The following EVI5 variants were observed in gnomAD, a reference collection of about 807,000 sequenced individuals.
The protein encoded by EVI5 is ecotropic viral integration site 5 protein homolog.
In EVI5, 73 loss-of-function variants were observed where a neutral mutation model predicts 112.0. The ratio of observed to expected loss-of-function variants is 0.65; its 90% CI spans 0.54 to 0.79. EVI5 has a LOEUF of 0.79. Among genes scored for constraint, EVI5 ranks in the 30% least tolerant of loss-of-function variants. The pLI, the probability that EVI5 is intolerant of heterozygous loss-of-function variation, is 0.00. For synonymous variants in EVI5, 305 were observed against 319.9 expected, an observed-to-expected ratio of 0.95 and a Z score of 0.50; for missense variants, 900 against 968.8, an observed-to-expected ratio of 0.93 and a Z score of 0.94.
chr1:92,527,584 A>G (rs1662147107), intron 19 of EVI5, among the ~76,000 whole-genome samples: 1 of 152,170 alleles, frequency 6.6e-6, no homozygotes, highest in Non-Finnish European at 1.5e-5. Context: ...ACCCAGATTG[A>G]GCCATAGTGC....
chr1:92,617,516 T>C (rs1030608696), intron 16 of EVI5, among the ~76,000 whole-genome samples: 1 of 152,180 alleles, frequency 6.6e-6, no homozygotes, highest in Non-Finnish European at 1.5e-5. Context: ...AGGACACCAC[T>C]CAGCCTCTTT....
chr1:92,731,738 C>T (rs1181877703), intron 2 of EVI5, among the ~76,000 whole-genome samples: 1 of 152,164 alleles, frequency 6.6e-6, no homozygotes, highest in Admixed American at 6.5e-5. Flanking sequence ...GAAATAGACT[C>T]ATACACATAC....
chr1:92,717,851 T>G (rs1222088472), intron 2 of EVI5, among the ~76,000 whole-genome samples: 1 of 151,508 alleles, frequency 6.6e-6, no homozygotes, highest in Non-Finnish European at 1.5e-5. Context: ...TGGAGGAAGA[T>G]CTACCAAGCA....
chr1:92,579,130 CTGT>C (rs1185184018), intron 18 of EVI5, among the ~76,000 whole-genome samples: 2 of 152,168 alleles, frequency 1.3e-5, no homozygotes, highest in Non-Finnish European at 2.9e-5. Context: ...CTTGAGCCCT[CTGT>C]AAAGAGTGAT....
chr1:92,711,479 G>A (rs1485351255), intron 2 of EVI5, among the ~76,000 whole-genome samples: 1 of 152,076 alleles, frequency 6.6e-6, no homozygotes, highest in African/African-American at 2.4e-5. Context: ...GAAGAAAAAC[G>A]CTGTATGATA....
chr1:92,625,476 T>C (rs1020523151), intron 15 of EVI5, among the ~76,000 whole-genome samples: 2 of 152,206 alleles, frequency 1.3e-5, no homozygotes, highest in Non-Finnish European at 2.9e-5. Flanking sequence ...ATGGACTTAA[T>C]ATCAAAGTTT....
chr1:92,755,613 G>A (rs1367753284), intron 1 of EVI5, among the ~76,000 whole-genome samples: 2 of 152,156 alleles, frequency 1.3e-5, no homozygotes, highest in Admixed American at 6.5e-5. Flanking sequence ...AAGGACCTAC[G>A]TACTGAAATT....
At chr1:92,581,893 C>A (rs1671993928) in intron 18 of EVI5, among the ~76,000 whole-genome samples, 1 of 152,136 alleles carries the variant, frequency 6.6e-6, no homozygotes. Context: ...AAAATTCATT[C>A]AGCAACTATT....
intron 2 of EVI5, among the ~76,000 whole-genome samples, chr1:92,719,436 C>T (rs568162492): frequency 5.3e-5 from 8 of 151,370 alleles, no homozygotes; most frequent in Admixed American, 2.6e-4. Flanking sequence ...ACAGAACCAA[C>T]GACAAAAACC....
intron 19 of EVI5, among the ~76,000 whole-genome samples, chr1:92,517,298 A>G (rs1193839745): frequency 6.6e-6 from 1 of 152,200 alleles, no homozygotes; most frequent in Non-Finnish European, 1.5e-5. Context: ...AGATGACTCA[A>G]AGTATATGGG....
At chr1:92,723,650 T>C (rs1295959379) in intron 2 of EVI5, among the ~76,000 whole-genome samples, 2 of 152,174 alleles carry the variant, frequency 1.3e-5, no homozygotes, top group African/African-American at 4.8e-5. Context: ...ATATGTGTGT[T>C]TGAACAATAG....
At chr1:92,598,809 T>C (rs1648506893) in intron 18 of EVI5, among the ~76,000 whole-genome samples, 1 of 152,054 alleles carries the variant, frequency 6.6e-6, no homozygotes, top group Non-Finnish European at 1.5e-5. Flanking sequence ...TCTAGGAAAA[T>C]GTCTAAAATT....
chr1:92,694,306 A>G lies in EVI5; in HGVS notation c.992T>C (p.Met331Thr). Reference protein sequence around the residue: ...AELMQLDMEGMLQHFQKVIPH... With the variant: ...AELMQLDMEGTLQHFQKVIPH... ...AATAAATTATGAACTTACCTGTAAC[A>G]TCCCTTCCATGTCAAGTTGCATCAG... is the stretch of plus-strand genomic sequence containing the variant. The change falls in exon 8 of 20, where the codon ATG (methionine) becomes ACG (threonine). Residue 331 changes from methionine to threonine, a missense_variant. Met to Thr is a moderately conservative substitution (Grantham distance 81, BLOSUM62 -1). Coordinates refer to ENST00000684568, the MANE Select transcript of EVI5 (RefSeq NM_001350197.2). The G allele has an allele frequency of 6.4e-7, 1 of 1,567,136 alleles. No homozygotes were observed. Among genetic ancestry groups the G allele is most frequent in the Non-Finnish European group, 8.7e-7 (1 of 1,143,652 alleles).
chr1:92,677,634 C>T (rs1449876540), intron 9 of EVI5, among the ~76,000 whole-genome samples: 1 of 152,128 alleles, frequency 6.6e-6, no homozygotes, highest in African/African-American at 2.4e-5. Flanking sequence ...GGGGACAACT[C>T]TTCCTTATAG....
chr1:92,522,685 G>C (rs972632145), intron 19 of EVI5, among the ~76,000 whole-genome samples: 1 of 148,666 alleles, frequency 6.7e-6, no homozygotes, highest in African/African-American at 2.5e-5. Context: ...GTAAAGTTCT[G>C]GTTTCCCTAC....
chr1:92,577,067 G>C (rs1671198374), intron 18 of EVI5, among the ~76,000 whole-genome samples: 1 of 152,126 alleles, frequency 6.6e-6, no homozygotes, highest in African/African-American at 2.4e-5. Flanking sequence ...CTGAGAAAAT[G>C]GCATTATCTC....
chr1:92,647,552 G>C, intron 13 of EVI5: 1 of 538,162 alleles, frequency 1.9e-6, no homozygotes, highest in East Asian at 3.4e-5. Context: ...GAGACCTCTG[G>C]GTTTCTCTTA....
intron 18 of EVI5, among the ~76,000 whole-genome samples, chr1:92,601,848 CAA>C (rs1447772028): frequency 1.3e-5 from 2 of 152,078 alleles, no homozygotes; most frequent in African/African-American, 4.8e-5. Context: ...TCAGAATCAA[CAA>C]AAAGAGTGAT....
chr1:92,609,687 T>G (rs554396047), intron 16 of EVI5, among the ~76,000 whole-genome samples: 1 of 152,066 alleles, frequency 6.6e-6, no homozygotes, highest in Non-Finnish European at 1.5e-5. Flanking sequence ...AAATGTTCAG[T>G]TGTTGCCATT....
Sources: allele counts gnomAD v4.1 joint callset (sites outside exome capture counted in the v4.1 genomes callset), GRCh38; gene constraint gnomAD v4.1.1; transcripts MANE v1.5; gene names NCBI Gene and HGNC (gene_info 2026-07-23, HGNC 2026-07-21).